CDYL: variants seen among roughly 807,000 people sequenced by gnomAD.
CDYL encodes chromodomain Y like.
CDYL carries 8 observed loss-of-function variants against 47.3 expected under a neutral mutation model. The observed-to-expected ratio is 0.17, with a 90% CI of 0.10 to 0.31. The LOEUF (loss-of-function observed/expected upper bound fraction) is 0.31. Among genes scored for constraint, CDYL ranks in the 10% least tolerant of loss-of-function variants. CDYL has a pLI of 1.00. For synonymous variants in CDYL, 266 were observed against 265.0 expected (o/e 1.00, Z -0.04); for missense variants, 471 against 701.4 (o/e 0.67, Z 3.71).
At chr6:4,829,117 C>A (rs1259410423) in intron 1 of CDYL, among the ~76,000 whole-genome samples, 1 of 152,128 alleles carries the variant, frequency 6.6e-6, no homozygotes, top group Non-Finnish European at 1.5e-5. Flanking sequence ...ATGAATTGTA[C>A]TTCCCTATTT....
chr6:4,803,679 A>G (rs939677885), intron 1 of CDYL, among the ~76,000 whole-genome samples: 1 of 149,984 alleles, frequency 6.7e-6, no homozygotes, highest in Non-Finnish European at 1.5e-5. Flanking sequence ...CCTGTCCAGC[A>G]TCAGCACGTG....
intron 2 of CDYL, among the ~76,000 whole-genome samples, chr6:4,932,291 C>T (rs1452566317): frequency 6.6e-6 from 1 of 152,222 alleles, no homozygotes; most frequent in Non-Finnish European, 1.5e-5. Flanking sequence ...TCAGGGTCTG[C>T]TGAGGGCTCA....
intron 1 of CDYL, among the ~76,000 whole-genome samples, chr6:4,819,160 CTCTGTGTGTG>C (rs1381730950): frequency 1.2e-4 from 15 of 124,100 alleles, no homozygotes; most frequent in African/African-American, 6.7e-4. Context: ...CTCTCTCTCT[CTCTGTGTGTG>C]TGTGTGTGTG....
intron 2 of CDYL, among the ~76,000 whole-genome samples, chr6:4,913,526 G>A (rs1392317473): frequency 6.6e-6 from 1 of 152,190 alleles, no homozygotes; most frequent in Non-Finnish European, 1.5e-5. Context: ...CCATCTTTAA[G>A]CAGATAACAG....
chr6:4,786,186 A>G (rs370803055), intron 1 of CDYL, among the ~76,000 whole-genome samples: 1 of 152,196 alleles, frequency 6.6e-6, no homozygotes, highest in Non-Finnish European at 1.5e-5. Context: ...GGCCTTTGCA[A>G]GCCTGACCTG....
chr6:4,776,872 C>CGCCCGACGGCCCCGCT (rs1417315766), intron 1 of CDYL, 65 bp downstream of exon 1: 1 of 757,350 alleles, frequency 1.3e-6, no homozygotes. Flanking sequence ...CCGGCCGCGC[C>CGCCCGACGGCCCCGCT]GCCCGACGGC....
chr6:4,935,781 G>C lies in CDYL; in HGVS notation c.948+10G>C, dbSNP rs755956075. ...CTCACTAAATCCAGAGGTGAGAGGCGCTCTTGGGCTGGCGTGGGCTTCGCG... is the reference window on the plus strand; with the variant it reads ...CTCACTAAATCCAGAGGTGAGAGGCCCTCTTGGGCTGGCGTGGGCTTCGCG... On this transcript the variant is annotated intron_variant, in intron 3 of 6. Coordinates refer to ENST00000397588, the MANE Select transcript of CDYL (RefSeq NM_004824.4). 6.2e-7 allele frequency: 1 copy of C among 1,612,538 alleles called. No homozygotes were observed. Among genetic ancestry groups the C allele is most frequent in the African/African-American group, 1.3e-5 (1 of 75,024 alleles).
At chr6:4,819,542 G>T (rs755009048) in intron 1 of CDYL, among the ~76,000 whole-genome samples, 5 of 152,138 alleles carry the variant, frequency 3.3e-5, no homozygotes, top group Non-Finnish European at 7.3e-5. Context: ...TGCTTTAAAG[G>T]TATCATCATG....
chr6:4,896,908 G>C (rs1339022826), intron 2 of CDYL, among the ~76,000 whole-genome samples: 2 of 152,134 alleles, frequency 1.3e-5, no homozygotes, highest in Non-Finnish European at 2.9e-5. Flanking sequence ...AATGTTTCTG[G>C]AGTATTTTCA....
intron 1 of CDYL, among the ~76,000 whole-genome samples, chr6:4,822,940 A>G (rs746750454): frequency 8.5e-5 from 13 of 152,318 alleles, no homozygotes; most frequent in Non-Finnish European, 1.6e-4. Flanking sequence ...AAATGAACAA[A>G]TAACTTAGCA....
intron 1 of CDYL, among the ~76,000 whole-genome samples, chr6:4,790,630 A>G (rs1758893264): frequency 6.6e-6 from 1 of 152,238 alleles, no homozygotes; most frequent in Non-Finnish European, 1.5e-5. Flanking sequence ...TGGAAGTAGA[A>G]TAGGAAGGCT....
intron 3 of CDYL, among the ~76,000 whole-genome samples, chr6:4,741,274 A>G (rs1314559958): frequency 6.6e-6 from 1 of 152,166 alleles, no homozygotes; most frequent in East Asian, 1.9e-4. Context: ...TCAAATCTAC[A>G]CCATTAAATC....
chr6:4,725,519 G>A (rs563205468), intron 2 of CDYL, among the ~76,000 whole-genome samples: 1 of 152,378 alleles, frequency 6.6e-6, no homozygotes, highest in South Asian at 2.1e-4. Flanking sequence ...GAGAAGTCGA[G>A]CACAGCAGCT....
chr6:4,888,073 A>G (rs908634451), intron 1 of CDYL, among the ~76,000 whole-genome samples: 1 of 151,978 alleles, frequency 6.6e-6, no homozygotes. Context: ...ATTTTTGTAT[A>G]TTGCGGAATT....
chr6:4,707,629 G>A (rs995041333), intron 1 of CDYL, among the ~76,000 whole-genome samples: 1 of 151,968 alleles, frequency 6.6e-6, no homozygotes, highest in African/African-American at 2.4e-5. Flanking sequence ...CCCTTACCTG[G>A]GCATTCAAGA....
intron 2 of CDYL, among the ~76,000 whole-genome samples, chr6:4,901,733 T>A (rs533483078): frequency 6.6e-6 from 1 of 152,210 alleles, no homozygotes; most frequent in African/African-American, 2.4e-5. Flanking sequence ...CTCAAGACTT[T>A]CGCTTCTGTG....
intron 3 of CDYL, among the ~76,000 whole-genome samples, chr6:4,758,745 A>G (rs1758118636): frequency 6.6e-6 from 1 of 152,074 alleles, no homozygotes; most frequent in Non-Finnish European, 1.5e-5. Context: ...GAAAAGTCAC[A>G]ATTGACACTT....
At chr6:4,773,477 C>T (rs751935698), upstream of CDYL, among the ~76,000 whole-genome samples, 2 of 152,156 alleles carry the variant, frequency 1.3e-5, no homozygotes, top group Non-Finnish European at 2.9e-5. This position sits in a 1 kb window ranked among gnomAD's most constrained non-coding sequence, Gnocchi z 4.6. Flanking sequence ...GGCATATTTA[C>T]TTCTGCTATG....
chr6:4,755,943 C>T (rs17138817), intron 3 of CDYL, among the ~76,000 whole-genome samples: 21,971 of 152,016 alleles, frequency 0.14, 2,131 homozygotes, highest in African/African-American at 0.27. Context: ...CCTATGGTAC[C>T]GTAATTCTCC....
Sources: allele counts gnomAD v4.1 joint callset (sites outside exome capture counted in the v4.1 genomes callset), GRCh38; gene constraint gnomAD v4.1.1; non-coding constraint Gnocchi (gnomAD v3.1); transcripts MANE v1.5; gene names NCBI Gene and HGNC (gene_info 2026-07-23, HGNC 2026-07-21).